SLC25A18: variants seen among roughly 807,000 people sequenced by gnomAD.
SLC25A18 encodes mitochondrial glutamate carrier 2.
In SLC25A18, 24 loss-of-function variants were observed where a neutral mutation model predicts 31.1. That is an observed-to-expected ratio of 0.77 (90% confidence interval 0.56 to 1.08). SLC25A18 has a LOEUF of 1.08. Ranked by LOEUF, SLC25A18 falls within the 50% of genes least tolerant of loss-of-function variation. The pLI is 0.00. For synonymous variants in SLC25A18, 173 were observed against 161.9 expected, an observed-to-expected ratio of 1.07 and a Z score of -0.52; for missense variants, 371 against 418.5, an observed-to-expected ratio of 0.89 and a Z score of 0.99.
intron 2 of SLC25A18, among the ~76,000 whole-genome samples, chr22:17,572,973 C>T (rs777125060): frequency 5.3e-5 from 8 of 152,054 alleles, no homozygotes; most frequent in African/African-American, 1.9e-4. Context: ...ATTAACCGGG[C>T]GTGATGGTGC....
chr22:17,583,652 A>G, intron 7 of SLC25A18, 118 bp downstream of exon 7: 3 of 1,418,580 alleles, frequency 2.1e-6, no homozygotes, highest in Non-Finnish European at 2.8e-6. Context: ...CCAAGCAGGT[A>G]GAAGTTTTTG....
In SLC25A18 at chr22:17,573,463, G is replaced by A. The variant is rs142933236; in HGVS notation, c.-201+3477G>A. Among the ~76,000 whole-genome samples, 57 of 152,256 alleles carry A rather than the reference G, an allele frequency of 3.7e-4. 1 individual carries two copies. The East Asian group carries it at 0.011, about 29-fold the overall frequency. On this transcript the variant is annotated intron_variant, in intron 2 of 10. Transcript: ENST00000327451. ...AAAATAGAGTCTGGAGTGGTGAGGA[G>A]GTAGGACTCAGTATCTGGAAATACT...
intron 2 of SLC25A18, chr22:17,570,488 G>T (rs2057056981): frequency 6.6e-6 from 1 of 152,192 alleles, no homozygotes; most frequent in Non-Finnish European, 1.5e-5. Context: ...ACTGCCCCAA[G>T]ACTTTTTGTT....
chr22:17,585,285 G>T (rs1601335666), intron 7 of SLC25A18: 1 of 152,316 alleles, frequency 6.6e-6, no homozygotes, highest in East Asian at 1.9e-4. Context: ...AGCTACTCGG[G>T]AGGCTGAGGC....
chr22:17,580,847 G>A (rs1569185921), intron 3 of SLC25A18, 190 bp from the exon 4 acceptor site: 1 of 1,319,134 alleles, frequency 7.6e-7, no homozygotes, highest in Non-Finnish European at 9.6e-7. Context: ...GCAGCAAGAT[G>A]CCTCACCCGG....
chr22:17,589,814 T>C (rs2057667145), intron 10 of SLC25A18, 149 bp downstream of exon 10: 2 of 795,646 alleles, frequency 2.5e-6, no homozygotes, highest in African/African-American at 1.7e-5. Flanking sequence ...GAAAACAGAA[T>C]GTACTGGGAG....
intron 2 of SLC25A18, among the ~76,000 whole-genome samples, chr22:17,579,068 TTTG>T (rs2057304314): frequency 2.7e-3 from 11 of 4,052 alleles, no homozygotes; most frequent in African/African-American, 0.012. Flanking sequence ...GGGTTTTTTG[TTTG>T]TTTGTTTGTT....
At position 17,581,030 on chromosome 22, in the gene SLC25A18, G is replaced by A. The variant is rs1249084329; in HGVS notation, c.21-7G>A. 4 of 1,546,286 alleles carry A rather than the reference G, an allele frequency of 2.6e-6. No homozygotes were observed. The Admixed American group carries it at 8.0e-5, about 31-fold the overall frequency. On this transcript the variant is annotated splice_polypyrimidine_tract_variant and splice_region_variant and intron_variant, in intron 3 of 10. Coordinates refer to ENST00000327451, the MANE Select transcript of SLC25A18 (RefSeq NM_031481.3). ...TCTCTCCTCCCCCTGTCCTCCCCCT[G>A]TCCTAGCATCACAGCCAAACTCATC...
intron 10 of SLC25A18, 98 bp downstream of exon 10, chr22:17,589,763 T>C: frequency 1.7e-6 from 2 of 1,171,376 alleles, no homozygotes. Flanking sequence ...ATTGCTGGGC[T>C]CTGGGTTTCT....
chr22:17,569,806 G>A, intron 1 of SLC25A18, 118 bp from the exon 2 acceptor site: 1 of 985,476 alleles, frequency 1.0e-6, no homozygotes, highest in African/African-American at 1.7e-5. Context: ...GGTGCAGTGT[G>A]CGGTGAGAGT....
At chr22:17,589,825 C>A (rs1301757980) in intron 10 of SLC25A18, among the ~76,000 whole-genome samples, 160 bp downstream of exon 10, 3 of 152,150 alleles carry the variant, frequency 2.0e-5, no homozygotes, top group Non-Finnish European at 2.9e-5. Context: ...GTACTGGGAG[C>A]CTTTTTCTTC....
At chr22:17,581,011 C>T in intron 3 of SLC25A18, 26 bp from the exon 4 acceptor site, 1 of 1,529,436 alleles carries the variant, frequency 6.5e-7, no homozygotes, top group Non-Finnish European at 8.8e-7. Flanking sequence ...TGCCTCTCTC[C>T]TCCCCCTGTC....
At position 17,581,502 on chromosome 22, in the gene SLC25A18, A is replaced by T. The variant is rs375044370; in HGVS notation, c.199+89A>T. 264 of 1,474,424 alleles carry T rather than the reference A, an allele frequency of 1.8e-4. 1 individual carries two copies. The South Asian group carries it at 2.9e-3, about 16-fold the overall frequency. 91.3% of individuals were successfully genotyped at this position (1,474,424 alleles called of 1,614,324 possible). A position where few individuals can be genotyped will look rare whatever the true frequency, so the allele number is the denominator to read the frequency against. The stretch of plus-strand genomic sequence containing the variant: ...TGGTGTTCCTTCCGTTGCTGCGGGG[A>T]TGGGGCCAGGGCTGCCAGGGGGTCC... On this transcript the variant is annotated intron_variant, in intron 5 of 10. Coordinates refer to ENST00000327451, the MANE Select transcript of SLC25A18 (RefSeq NM_031481.3).
intron 2 of SLC25A18, among the ~76,000 whole-genome samples, chr22:17,574,035 G>T (rs892437519): frequency 2.0e-5 from 3 of 152,204 alleles, no homozygotes; most frequent in Non-Finnish European, 4.4e-5. Context: ...TTCAAGACCA[G>T]TCTGGGCAAC....
At chr22:17,569,044 C>T (rs1353042624) in intron 1 of SLC25A18, among the ~76,000 whole-genome samples, 1 of 150,906 alleles carries the variant, frequency 6.6e-6, no homozygotes, top group Non-Finnish European at 1.5e-5. Context: ...GTCGCCCAGC[C>T]TGTAGCCAGG....
rs1186000778 is a variant in SLC25A18 at position 17,588,029 on chromosome 22, C to T, written c.680C>T (p.Ser227Leu). ...GKASFAHSFV[S>L]GCVAGSIAAV... ...GCGTCCTTTGCACATTCCTTCGTGT[C>T]AGGCTGTGTGGCAGGTTCCATAGCT... The change falls in exon 9 of 11, where the codon TCA becomes TTA. Residue 227 changes from serine to leucine, a missense_variant. Coordinates refer to ENST00000327451, the MANE Select transcript of SLC25A18 (RefSeq NM_031481.3). 1 of 1,614,220 alleles carries T rather than the reference C, an allele frequency of 6.2e-7. No individual in the cohort carries two copies. Among genetic ancestry groups the T allele is most frequent in the Admixed American group, 1.7e-5 (1 of 60,024 alleles).
intron 1 of SLC25A18, among the ~76,000 whole-genome samples, chr22:17,565,816 G>A (rs180783511): frequency 3.3e-5 from 5 of 152,226 alleles, no homozygotes; most frequent in East Asian, 1.9e-4. Context: ...TCAGTGAGCC[G>A]AGATCGTGCC....
intron 1 of SLC25A18, among the ~76,000 whole-genome samples, chr22:17,565,807 C>T (rs574621657): frequency 6.6e-6 from 1 of 152,262 alleles, no homozygotes; most frequent in African/African-American, 2.4e-5. Context: ...GTAGAGGTTT[C>T]AGTGAGCCGA....
chr22:17,588,476 G>A (rs1300772638), intron 9 of SLC25A18: 3 of 187,224 alleles, frequency 1.6e-5, no homozygotes, highest in African/African-American at 2.4e-5. Flanking sequence ...GTGAAACCCC[G>A]TCTCTACTAA....
Sources: allele counts gnomAD v4.1 joint callset (sites outside exome capture counted in the v4.1 genomes callset), GRCh38; gene constraint gnomAD v4.1.1; transcripts MANE v1.5; gene names NCBI Gene and HGNC (gene_info 2026-07-23, HGNC 2026-07-21).